The following DIAPH2 variants were observed in gnomAD, a reference collection of about 807,000 sequenced individuals.
DIAPH2 encodes the protein diaphanous related formin 2.
Under a neutral mutation model 92.7 loss-of-function variants are expected in DIAPH2, and 35 were observed. The observed-to-expected ratio is 0.38, with a 90% CI of 0.29 to 0.50. The LOEUF (loss-of-function observed/expected upper bound fraction) is 0.50, where lower values mean the gene tolerates loss of function less well. Ranked by LOEUF, DIAPH2 falls within the 20% of genes least tolerant of loss-of-function variation. The pLI is 0.94. For missense variants in DIAPH2, 701 were observed against 819.5 expected, an observed-to-expected ratio of 0.86 and a Z score of 1.77; for synonymous variants, 301 against 280.4, an observed-to-expected ratio of 1.07 and a Z score of -0.73.
chrX:96,775,929 G>A (rs12855006), intron 4 of DIAPH2, among the ~76,000 whole-genome samples: 2 of 111,646 alleles, frequency 1.8e-5, no homozygotes, highest in Non-Finnish European at 3.8e-5. Context: ...TATTTTTGAA[G>A]AATGTGTTGA....
At chrX:96,685,244 C>G in intron 1 of DIAPH2, 54 bp downstream of exon 1, 1 of 972,246 alleles carries the variant, frequency 1.0e-6, no homozygotes, top group Non-Finnish European at 1.3e-6. Flanking sequence ...GCCCCGGGAT[C>G]CTCCTGCCAT....
chrX:96,891,150 A>G (rs2065304503), intron 5 of DIAPH2, among the ~76,000 whole-genome samples: 1 of 111,950 alleles, frequency 8.9e-6, no homozygotes, highest in Non-Finnish European at 1.9e-5. Context: ...AATCGGCACT[A>G]TTTTGTGGCC....
intron 11 of DIAPH2, 79 bp from the exon 12 acceptor site, chrX:96,939,187 A>G (rs1200469315): frequency 3.8e-5 from 17 of 449,813 alleles, no homozygotes; most frequent in South Asian, 9.1e-5. Flanking sequence ...TTATAAGTCA[A>G]TGTTTTAAAA....
rs193245089 is a variant in DIAPH2 at position 97,010,304 on chromosome X, C to T, written c.2050+45097C>T. The stretch of plus-strand genomic sequence containing the variant: ...TAGAATCTGTCTCCATGCCATGTGG[C>T]CACTGCCAGGAGGTGTATGTTGGGG... On this transcript the variant is annotated intron_variant, in intron 17 of 26. Coordinates refer to ENST00000324765, the MANE Select transcript of DIAPH2 (RefSeq NM_006729.5). Among the ~76,000 whole-genome samples the T allele has an allele frequency of 4.5e-5, 5 of 110,065 alleles. No homozygotes were observed. The East Asian group carries it at 1.4e-3, about 32-fold the overall frequency.
chrX:97,473,727 G>A (rs1244411263), intron 26 of DIAPH2, among the ~76,000 whole-genome samples: 1 of 112,191 alleles, frequency 8.9e-6, no homozygotes, highest in African/African-American at 3.2e-5. Flanking sequence ...TTGGGAGGCC[G>A]AGGTAGGTGG....
chrX:97,441,863 C>T (rs757397769), intron 26 of DIAPH2, among the ~76,000 whole-genome samples: 3 of 113,083 alleles, frequency 2.7e-5, no homozygotes, highest in Non-Finnish European at 5.6e-5. Flanking sequence ...GGACAGACAT[C>T]ACATGTATTG....
chrX:96,871,394 T>G (rs965001697), intron 4 of DIAPH2, among the ~76,000 whole-genome samples: 4 of 94,889 alleles, frequency 4.2e-5, no homozygotes, highest in African/African-American at 1.7e-4. Context: ...GGTGTGAACC[T>G]GGTAGGCGGA....
At chrX:96,790,583 C>G (rs922044216) in intron 4 of DIAPH2, among the ~76,000 whole-genome samples, 2 of 111,216 alleles carry the variant, frequency 1.8e-5, no homozygotes, top group South Asian at 7.6e-4. Flanking sequence ...TTATCAGAAA[C>G]AGTATTGTCT....
intron 25 of DIAPH2, among the ~76,000 whole-genome samples, chrX:97,387,607 G>A (rs1371812165): frequency 2.7e-5 from 3 of 111,857 alleles, no homozygotes; most frequent in East Asian, 2.8e-4. Flanking sequence ...GGTACAAACC[G>A]CTTTACCCAA....
chrX:97,051,453 T>G lies in DIAPH2; in HGVS notation c.2051-21488T>G, dbSNP rs183825692. ...GCAGATATCTATTCTCTGGTTTAAT[T>G]TGTCAGGGGATGACTACTTCTTTGA... On this transcript the variant is annotated intron_variant, in intron 17 of 26. Transcript: ENST00000324765. Among the ~76,000 whole-genome samples, 77 of 110,170 alleles carry G rather than the reference T, an allele frequency of 7.0e-4. No individual in the cohort carries two copies. In the East Asian group the frequency reaches 0.02, roughly 29 times the overall value.
chrX:97,242,692 T>G lies in DIAPH2; in HGVS notation c.2720-5023T>G, dbSNP rs1485879225. On this transcript the variant is annotated intron_variant, in intron 22 of 26. Transcript: ENST00000324765. Reference sequence around the variant, plus strand: ...CTAACCTACTTTTCTAAGTTACATTTGTTTTATCTGGAGACCAGGACTGAC... The same window carrying G: ...CTAACCTACTTTTCTAAGTTACATTGGTTTTATCTGGAGACCAGGACTGAC... Among the ~76,000 whole-genome samples the G allele has an allele frequency of 3.6e-5, 4 of 109,820 alleles. No individual in the cohort carries two copies. The East Asian group carries it at 1.2e-3, about 32-fold the overall frequency.
chrX:97,283,656 A>G (rs1355878660), intron 23 of DIAPH2, among the ~76,000 whole-genome samples: 1 of 112,825 alleles, frequency 8.9e-6, no homozygotes, highest in Admixed American at 9.4e-5. Context: ...AAAATATTTA[A>G]CAACTGCCAG....
chrX:97,542,913 G>T (rs1434281026), intron 26 of DIAPH2, among the ~76,000 whole-genome samples: 2 of 112,196 alleles, frequency 1.8e-5, no homozygotes, highest in Non-Finnish European at 3.8e-5. Context: ...GATGAAAAGT[G>T]CAAAGAACCA....
chrX:97,594,776 C>T (rs2071539938), intron 26 of DIAPH2, among the ~76,000 whole-genome samples: 2 of 111,975 alleles, frequency 1.8e-5, no homozygotes, highest in Non-Finnish European at 3.8e-5. Flanking sequence ...GGGTCATAGA[C>T]TTCGTTTATG....
At chrX:96,932,962 A>T (rs1662114677) in intron 10 of DIAPH2, among the ~76,000 whole-genome samples, 1 of 111,537 alleles carries the variant, frequency 9.0e-6, no homozygotes, top group Non-Finnish European at 1.9e-5. Context: ...TGGTATTCTT[A>T]ATATATACTT....
chrX:97,171,485 G>A (rs2067453389), intron 22 of DIAPH2, among the ~76,000 whole-genome samples: 1 of 111,722 alleles, frequency 9.0e-6, no homozygotes, highest in African/African-American at 3.3e-5. Context: ...AGTTGTCCAC[G>A]TTGCAAAAAT....
chrX:96,896,797 G>A (rs1326115294), intron 5 of DIAPH2, among the ~76,000 whole-genome samples: 1 of 111,958 alleles, frequency 8.9e-6, no homozygotes, highest in Non-Finnish European at 1.9e-5. Context: ...TACAAGTCAG[G>A]TTGACAATAA....
intron 4 of DIAPH2, among the ~76,000 whole-genome samples, chrX:96,791,896 A>T (rs1456369677): frequency 1.8e-5 from 2 of 110,732 alleles, no homozygotes; most frequent in East Asian, 5.7e-4. Context: ...CAGAGAAGTT[A>T]ACTAACTTAC....
chrX:97,548,295 T>G (rs1426166855), intron 26 of DIAPH2, among the ~76,000 whole-genome samples: 1 of 112,270 alleles, frequency 8.9e-6, no homozygotes, highest in Non-Finnish European at 1.9e-5. Flanking sequence ...TCTAAAGAAT[T>G]TGTTCCCCTC....
Sources: allele counts gnomAD v4.1 joint callset (sites outside exome capture counted in the v4.1 genomes callset), GRCh38; gene constraint gnomAD v4.1.1; transcripts MANE v1.5; gene names NCBI Gene and HGNC (gene_info 2026-07-23, HGNC 2026-07-21).